Variants in FHIP2A observed in about 807,000 individuals in gnomAD.
FHIP2A encodes the protein family with sequence similarity 160 member B1.
In FHIP2A, 46 loss-of-function variants were observed where a neutral mutation model predicts 93.5. The observed-to-expected ratio is 0.49, with a 90% CI of 0.39 to 0.63. The LOEUF is 0.63. Among genes scored for constraint, FHIP2A ranks in the 20% least tolerant of loss-of-function variants. The probability of loss-of-function intolerance (pLI) is 0.00; values close to 1 mark genes in which losing one functional copy is unlikely to be tolerated. For missense variants in FHIP2A, 769 were observed against 909.7 expected (o/e 0.85, Z 1.99); for synonymous variants, 332 against 326.5 (o/e 1.02, Z -0.18).
At chr10:114,848,438 T>C (rs764653476) in intron 12 of FHIP2A, among the ~76,000 whole-genome samples, 2 of 152,186 alleles carry the variant, frequency 1.3e-5, no homozygotes, top group South Asian at 2.1e-4. Context: ...GTAAAACTTA[T>C]CAGGAATTAA....
chr10:114,855,940 T>C (rs545838130), intron 14 of FHIP2A, among the ~76,000 whole-genome samples: 1 of 152,310 alleles, frequency 6.6e-6, no homozygotes, highest in Admixed American at 6.5e-5. Flanking sequence ...GAATCCCTCC[T>C]TCCATCTCTC....
In FHIP2A at chr10:114,855,368, A is replaced by T. The variant is rs779922035; in HGVS notation, c.1947+28A>T. On this transcript the variant is annotated intron_variant, in intron 14 of 16. Coordinates refer to ENST00000369248, the MANE Select transcript of FHIP2A (RefSeq NM_020940.4). ...AATACATTTTAAAATACTAATTTTC[A>T]TATTTTTTTTTGCCATTCACCACAG... 23 of 1,586,538 alleles carry T rather than the reference A, an allele frequency of 1.4e-5. No individual in the cohort carries two copies. The African/African-American group carries it at 3.0e-4, about 21-fold the overall frequency.
chr10:114,880,049 C>G (rs1462359425), intron 16 of FHIP2A, among the ~76,000 whole-genome samples: 1 of 152,190 alleles, frequency 6.6e-6, no homozygotes, highest in Non-Finnish European at 1.5e-5. Context: ...GTGCTCTAAG[C>G]CTTTCCTCTG....
chr10:114,861,367 A>G, intron 16 of FHIP2A, 33 bp downstream of exon 16: 1 of 1,613,670 alleles, frequency 6.2e-7, no homozygotes, highest in Non-Finnish European at 8.5e-7. Flanking sequence ...TTTAATCCAA[A>G]AATTTCAGTG....
chr10:114,875,843 G>T (rs1422151835), intron 16 of FHIP2A, among the ~76,000 whole-genome samples: 2 of 130,544 alleles, frequency 1.5e-5, no homozygotes, highest in Admixed American at 1.6e-4. Flanking sequence ...AAGAGAGAAA[G>T]AAAGAAAGAA....
chr10:114,845,677 C>G (rs1176388342), intron 8 of FHIP2A, among the ~76,000 whole-genome samples, 196 bp downstream of exon 8: 1 of 152,168 alleles, frequency 6.6e-6, no homozygotes. Context: ...AGTTCAAGTT[C>G]TGCCCTTTTA....
At chr10:114,828,351 A>T (rs2083589586) in intron 1 of FHIP2A, among the ~76,000 whole-genome samples, 1 of 152,180 alleles carries the variant, frequency 6.6e-6, no homozygotes, top group South Asian at 2.1e-4. Context: ...ATTCCCTTGA[A>T]ATACAGTTAA....
chr10:114,890,036 CT>C (rs113875312), intron 16 of FHIP2A, among the ~76,000 whole-genome samples: 1 of 151,028 alleles, frequency 6.6e-6, no homozygotes, highest in Non-Finnish European at 1.5e-5. Context: ...ATTTTCTTTT[CT>C]TTTTTTTTGA....
intron 5 of FHIP2A, among the ~76,000 whole-genome samples, chr10:114,838,527 T>TG (rs2083649653): frequency 6.6e-6 from 1 of 152,314 alleles, no homozygotes; most frequent in East Asian, 1.9e-4. Flanking sequence ...TTTGTGTACT[T>TG]ATGAGAAATA....
intron 1 of FHIP2A, 117 bp downstream of exon 1, chr10:114,822,240 G>A (rs1374696940): frequency 5.5e-6 from 3 of 542,812 alleles, no homozygotes; most frequent in South Asian, 8.7e-5. Context: ...CCCTGTCCCC[G>A]GTTGGGGTGA....
At chr10:114,881,779 G>C (rs2083918403) in intron 16 of FHIP2A, among the ~76,000 whole-genome samples, 1 of 152,160 alleles carries the variant, frequency 6.6e-6, no homozygotes, top group South Asian at 2.1e-4. Flanking sequence ...GCCCATTCTA[G>C]GCCATCTCAG....
chr10:114,875,100 C>T (rs967713899), intron 16 of FHIP2A, among the ~76,000 whole-genome samples: 3 of 152,180 alleles, frequency 2.0e-5, no homozygotes, highest in Non-Finnish European at 2.9e-5. Flanking sequence ...AGTGCTGTTG[C>T]CACCAGGGAC....
intron 3 of FHIP2A, 174 bp downstream of exon 3, chr10:114,833,576 A>G: frequency 3.5e-6 from 2 of 565,358 alleles, no homozygotes. Context: ...GTCCATAGAG[A>G]TAGAAAGATT....
chr10:114,875,839 G>GAAAGAAAGAAAGAA, intron 16 of FHIP2A, among the ~76,000 whole-genome samples: 1 of 124,358 alleles, frequency 8.0e-6, no homozygotes, highest in African/African-American at 3.0e-5. Context: ...AGGTAAGAGA[G>GAAAGAAAGAAAGAA]AAAGAAAGAA....
chr10:114,843,819 C>G lies in FHIP2A; in HGVS notation c.895C>G (p.Leu299Val), dbSNP rs757538292. 2 of 1,610,726 alleles carry G rather than the reference C, an allele frequency of 1.2e-6. No homozygotes were observed. The highest frequency in any genetic ancestry group is 3.4e-5 in the Admixed American group (2 of 58,652). The part of the protein sequence containing the change: ...SLPEPAAAKC[L>V]TQSTCLCELL... ...GCCAGAGCCTGCGGCTGCAAAGTGC[C>G]TTACACAGAGCACTTGCTTGTGTGA... The change falls in exon 7 of 17, where the codon CTT becomes GTT. Residue 299 changes from leucine to valine, a missense_variant. Leu to Val is a conservative substitution (Grantham distance 32). Transcript: ENST00000369248.
chr10:114,861,375 G>A (rs761440990), intron 16 of FHIP2A, 41 bp downstream of exon 16: 5 of 1,613,746 alleles, frequency 3.1e-6, no homozygotes, highest in South Asian at 1.1e-5. Context: ...AAAAATTTCA[G>A]TGAACTTAAT....
chr10:114,836,407 C>T (rs1212090920), intron 5 of FHIP2A, among the ~76,000 whole-genome samples, 161 bp downstream of exon 5: 1 of 151,978 alleles, frequency 6.6e-6, no homozygotes, highest in Non-Finnish European at 1.5e-5. Context: ...TTTTATTCTC[C>T]TGGGAGAAAA....
At chr10:114,882,736 A>T (rs1308737961) in intron 16 of FHIP2A, among the ~76,000 whole-genome samples, 1 of 152,128 alleles carries the variant, frequency 6.6e-6, no homozygotes, top group Non-Finnish European at 1.5e-5. Context: ...TTAGCCAGGC[A>T]TGGTGGTATG....
At chr10:114,826,834 A>G (rs2083579539) in intron 1 of FHIP2A, among the ~76,000 whole-genome samples, 1 of 152,184 alleles carries the variant, frequency 6.6e-6, no homozygotes, top group Admixed American at 6.5e-5. Context: ...TCTTTACTAA[A>G]AATACAAAAA....
Sources: gnomAD v4.1 joint callset for allele counts (sites outside exome capture counted in the v4.1 genomes callset) on GRCh38, gnomAD v4.1.1 for gene constraint, MANE v1.5 for transcripts, NCBI Gene and HGNC (gene_info 2026-07-23, HGNC 2026-07-21) for gene names.